The following ANKS1B variants were observed in gnomAD, a reference collection of about 807,000 sequenced individuals.
ANKS1B encodes the protein ankyrin repeat and sterile alpha motif domain-containing protein 1B.
In ANKS1B, 36 loss-of-function variants were observed where a neutral mutation model predicts 148.3. The observed-to-expected ratio is 0.24, with a 90% CI of 0.19 to 0.32. ANKS1B has a LOEUF of 0.32. Among genes scored for constraint, ANKS1B ranks in the 10% least tolerant of loss-of-function variants. The probability of loss-of-function intolerance (pLI) is 1.00; values close to 1 mark genes in which losing one functional copy is unlikely to be tolerated. For missense variants in ANKS1B, 1,157 were observed against 1,542.6 expected (o/e 0.75, Z 4.19); for synonymous variants, 542 against 560.8 (o/e 0.97, Z 0.47).
At chr12:99,277,848 A>ATG (rs1221323748) in intron 12 of ANKS1B, among the ~76,000 whole-genome samples, 1 of 152,228 alleles carries the variant, frequency 6.6e-6, no homozygotes, top group African/African-American at 2.4e-5. Context: ...GTATTGCCCC[A>ATG]TAGACTATTC....
intron 25 of ANKS1B, among the ~76,000 whole-genome samples, chr12:98,752,817 T>C (rs11610744): frequency 0.067 from 10,183 of 152,166 alleles, 444 homozygotes; most frequent in South Asian, 0.15. Context: ...CAACCTTGCC[T>C]GTGAGGATGA....
chr12:99,589,587 C>T (rs1567420890), intron 9 of ANKS1B, among the ~76,000 whole-genome samples: 1 of 152,208 alleles, frequency 6.6e-6, no homozygotes, highest in East Asian at 1.9e-4. Flanking sequence ...TTCTGGAAAA[C>T]AACTTGGCAA....
At chr12:99,530,317 G>A (rs374835931) in intron 9 of ANKS1B, among the ~76,000 whole-genome samples, 1 of 152,198 alleles carries the variant, frequency 6.6e-6, no homozygotes, top group African/African-American at 2.4e-5. Flanking sequence ...GGTCTCCCAA[G>A]CGAGTTCTTT....
At chr12:99,781,446 T>C (rs527383212) in intron 5 of ANKS1B, among the ~76,000 whole-genome samples, 1 of 152,168 alleles carries the variant, frequency 6.6e-6, no homozygotes, top group Non-Finnish European at 1.5e-5. Context: ...CTCTATTTCA[T>C]CTCAATCAGA....
In ANKS1B at chr12:98,829,393, T is replaced by C; in HGVS notation, c.2887-40A>G. 6.3e-7 allele frequency: 1 copy of C among 1,586,894 alleles called. No individual in the cohort carries two copies. The highest frequency in any genetic ancestry group is 8.6e-7 in the Non-Finnish European group (1 of 1,164,456). ...ATCATGAAATAAATACCATGTTCTGTGGCTAACCTTTGGTTTCAAAATTGT... is the reference window on the plus strand; with the variant it reads ...ATCATGAAATAAATACCATGTTCTGCGGCTAACCTTTGGTTTCAAAATTGT... On this transcript the variant is annotated intron_variant, in intron 18 of 26. Coordinates refer to ENST00000683438, the MANE Select transcript of ANKS1B (RefSeq NM_001352186.2). This position sits in a 1 kb window ranked among gnomAD's most constrained non-coding sequence, Gnocchi z 5.2.
chr12:99,374,140 C>T (rs1405765532), intron 12 of ANKS1B, among the ~76,000 whole-genome samples: 2 of 152,078 alleles, frequency 1.3e-5, no homozygotes, highest in Non-Finnish European at 2.9e-5. Flanking sequence ...TAGAATTTGA[C>T]ACATGATTTC....
chr12:99,429,799 TAAAAAATAC>T (rs1473844677), intron 11 of ANKS1B, among the ~76,000 whole-genome samples: 12 of 151,652 alleles, frequency 7.9e-5, no homozygotes, highest in Non-Finnish European at 1.3e-4. Context: ...CTGTCTCTAC[TAAAAAATAC>T]AAAAAATTAG....
At chr12:98,845,685 A>C (rs2153736846) in intron 17 of ANKS1B, among the ~76,000 whole-genome samples, 1 of 151,970 alleles carries the variant, frequency 6.6e-6, no homozygotes, top group South Asian at 2.1e-4. Context: ...CAATCTAAAA[A>C]TCTCTGTCAG....
At chr12:98,742,344 CTT>C (rs879698371), downstream of ANKS1B, among the ~76,000 whole-genome samples, 6 of 143,554 alleles carry the variant, frequency 4.2e-5, no homozygotes, top group African/African-American at 5.1e-5. Flanking sequence ...GCCCATGCAG[CTT>C]TTTTTTTTTT....
At chr12:99,532,417 G>A (rs904829975) in intron 9 of ANKS1B, among the ~76,000 whole-genome samples, 2 of 152,194 alleles carry the variant, frequency 1.3e-5, no homozygotes, top group African/African-American at 4.8e-5. Flanking sequence ...CTGGAGTGCA[G>A]TGGCCCGATC....
At position 99,541,852 on chromosome 12, in the gene ANKS1B, T is replaced by TAA. The variant is rs142078756; in HGVS notation, c.1273-37213_1273-37212dup. Reference sequence around the variant, plus strand: ...CCTGGCAACAGAGCGAGACTCCGTCTAAAAAAAAAAAAGAGTAACATGCTT... The same window carrying TAA: ...CCTGGCAACAGAGCGAGACTCCGTCTAAAAAAAAAAAAAAGAGTAACATGCTT... On this transcript the variant is annotated intron_variant, in intron 9 of 26. Transcript: ENST00000683438. Among the ~76,000 whole-genome samples the TAA allele has an allele frequency of 2.5e-3, 365 of 145,066 alleles. 1 individual carries two copies. The highest frequency in any genetic ancestry group is 3.5e-3 in the Middle Eastern group (1 of 286).
In ANKS1B at chr12:99,674,640, T is replaced by C. The variant is rs140974457; in HGVS notation, c.1129-19430A>G. Among the ~76,000 whole-genome samples, 800 of 151,864 alleles carry C rather than the reference T, an allele frequency of 5.3e-3. 8 individuals carry two copies. The highest frequency in any genetic ancestry group is 0.018 in the African/African-American group (756 of 41,530). ...AAGTGGATTACTCAATAAACTATGATGGGAAATGAGTTTATGTGTCTGAAA... is the reference window on the plus strand; with the variant it reads ...AAGTGGATTACTCAATAAACTATGACGGGAAATGAGTTTATGTGTCTGAAA... On this transcript the variant is annotated intron_variant, in intron 8 of 26. Coordinates refer to ENST00000683438, the MANE Select transcript of ANKS1B (RefSeq NM_001352186.2).
chr12:99,723,138 G>A (rs933802339), intron 8 of ANKS1B, among the ~76,000 whole-genome samples: 2 of 152,188 alleles, frequency 1.3e-5, no homozygotes, highest in African/African-American at 4.8e-5. Flanking sequence ...TGAGTTCCCG[G>A]TGGGGAGGGG....
intron 14 of ANKS1B, among the ~76,000 whole-genome samples, chr12:99,214,006 C>T (rs111286359): frequency 0.016 from 2,495 of 151,976 alleles, 65 homozygotes; most frequent in African/African-American, 0.055. Flanking sequence ...AATGACCGAG[C>T]GAAAATTGAG....
At chr12:99,931,187 G>C (rs1402467896) in intron 1 of ANKS1B, among the ~76,000 whole-genome samples, 1 of 152,014 alleles carries the variant, frequency 6.6e-6, no homozygotes, top group Admixed American at 6.6e-5. Flanking sequence ...ACCAGGGACT[G>C]TTGTGGGGTC....
intron 22 of ANKS1B, among the ~76,000 whole-genome samples, chr12:98,792,060 C>T (rs116474869): frequency 0.013 from 2,048 of 152,204 alleles, 33 homozygotes; most frequent in African/African-American, 0.047. Context: ...TGAAAATTCA[C>T]GCTTTAGAAG....
intron 1 of ANKS1B, among the ~76,000 whole-genome samples, chr12:99,939,063 G>A (rs1364400720): frequency 6.6e-6 from 1 of 152,072 alleles, no homozygotes; most frequent in Non-Finnish European, 1.5e-5. Context: ...ACAAACCAGA[G>A]TAGGCTTATA....
chr12:99,192,402 G>A (rs11836131), intron 14 of ANKS1B, among the ~76,000 whole-genome samples: 23,492 of 151,974 alleles, frequency 0.15, 4,817 homozygotes, highest in African/African-American at 0.47. Context: ...CTAGGCCATT[G>A]AACTGTTGGA....
intron 12 of ANKS1B, among the ~76,000 whole-genome samples, chr12:99,324,520 A>G (rs894093416): frequency 1.9e-4 from 29 of 152,134 alleles, no homozygotes; most frequent in Admixed American, 2.6e-4. Context: ...ATTTCTACTT[A>G]GCTTAATAAG....
Sources: allele counts gnomAD v4.1 joint callset (sites outside exome capture counted in the v4.1 genomes callset), GRCh38; gene constraint gnomAD v4.1.1; non-coding constraint Gnocchi (gnomAD v3.1); transcripts MANE v1.5; gene names NCBI Gene and HGNC (gene_info 2026-07-23, HGNC 2026-07-21).